Variants in PRKRA observed in about 807,000 individuals in gnomAD.
The protein encoded by PRKRA is interferon-inducible double-stranded RNA-dependent protein kinase activator A.
In PRKRA, 22 loss-of-function variants were observed where a neutral mutation model predicts 32.4. The observed-to-expected ratio is 0.68, with a 90% CI of 0.49 to 0.97. PRKRA has a LOEUF of 0.97. PRKRA is among the 50% of genes least tolerant of loss of function. PRKRA has a pLI of 0.00. For missense variants in PRKRA, 319 were observed against 375.6 expected (o/e 0.85, Z 1.25); for synonymous variants, 139 against 129.8 (o/e 1.07, Z -0.48).
At chr2:178,434,663 C>T (rs1169367189) in intron 7 of PRKRA, among the ~76,000 whole-genome samples, 1 of 152,078 alleles carries the variant, frequency 6.6e-6, no homozygotes, top group African/African-American at 2.4e-5. Context: ...TTTACTGAGA[C>T]AATGCACTTC....
In PRKRA at chr2:178,444,623, C is replaced by T; in HGVS notation, c.318-123G>A. ...CTTGTCATTCCTTCTACATGGAATG[C>T]CCTTTTCTCAGACCTCTTCTATGGG... On this transcript the variant is annotated intron_variant, in intron 3 of 7. Transcript: ENST00000325748. The T allele has an allele frequency of 5.0e-6, 4 of 794,762 alleles. No individual in the cohort carries two copies. In the South Asian group the frequency reaches 5.8e-5, roughly 12 times the overall value. 49.2% of individuals were successfully genotyped at this position (794,762 alleles called of 1,614,324 possible). A position where few individuals can be genotyped will look rare whatever the true frequency, so the allele number is the denominator to read the frequency against.
At chr2:178,447,432 G>A in intron 3 of PRKRA, 73 bp downstream of exon 3, 2 of 1,332,804 alleles carry the variant, frequency 1.5e-6, no homozygotes, top group Non-Finnish European at 2.0e-6. Flanking sequence ...GCTTTTGTAA[G>A]CATGTTCAAA....
chr2:178,442,409 C>G (rs1044614630), intron 5 of PRKRA, among the ~76,000 whole-genome samples: 1 of 151,984 alleles, frequency 6.6e-6, no homozygotes, highest in South Asian at 2.1e-4. Flanking sequence ...TCTAAACTGA[C>G]GATTATATGA....
At chr2:178,450,944 C>T in intron 1 of PRKRA, 22 bp downstream of exon 1, 3 of 786,882 alleles carry the variant, frequency 3.8e-6, no homozygotes, top group African/African-American at 2.0e-5. Context: ...GGCCCTGGGG[C>T]CCTGACTGCC....
At chr2:178,444,302 A>G in intron 4 of PRKRA, 120 bp downstream of exon 4, 2 of 854,132 alleles carry the variant, frequency 2.3e-6, no homozygotes, top group Non-Finnish European at 3.8e-6. Context: ...AATGATCGTA[A>G]GTTGGAAAAC....
chr2:178,447,316 A>T, intron 3 of PRKRA, 189 bp downstream of exon 3: 1 of 985,532 alleles, frequency 1.0e-6, no homozygotes, highest in Non-Finnish European at 1.4e-6. Flanking sequence ...TTCATTTAAT[A>T]GCTAATTGCT....
intron 1 of PRKRA, chr2:178,450,701 A>G: frequency 7.1e-7 from 1 of 1,405,204 alleles, no homozygotes. Flanking sequence ...CTCTCAGGGA[A>G]AACCTGACGA....
At chr2:178,440,713 G>A (rs963204151) in intron 6 of PRKRA, among the ~76,000 whole-genome samples, 1 of 151,996 alleles carries the variant, frequency 6.6e-6, no homozygotes, top group African/African-American at 2.4e-5. Context: ...CATGTCTCAC[G>A]TGTCTTCTGT....
At chr2:178,450,010 C>T (rs915234703) in intron 2 of PRKRA, 2 of 606,612 alleles carry the variant, frequency 3.3e-6, no homozygotes, top group Admixed American at 2.8e-5. Flanking sequence ...ATCCAGCCAT[C>T]CGGCTGGGTA....
At chr2:178,450,572 G>A (rs1001633991) in intron 1 of PRKRA, 161 bp from the exon 2 acceptor site, 1 of 1,509,362 alleles carries the variant, frequency 6.6e-7, no homozygotes, top group South Asian at 1.3e-5. Context: ...CTGTCTTCCG[G>A]CCCCGCTGCG....
intron 3 of PRKRA, chr2:178,445,821 A>T (rs1367736123): frequency 6.6e-6 from 1 of 152,170 alleles, no homozygotes; most frequent in African/African-American, 2.4e-5. Context: ...ACCACTGCCT[A>T]CTGGGTCCAA....
intron 1 of PRKRA, 194 bp from the exon 2 acceptor site, chr2:178,450,605 C>A (rs1697553454): frequency 2.0e-6 from 3 of 1,473,120 alleles, no homozygotes; most frequent in Non-Finnish European, 2.7e-6. Flanking sequence ...CAGGAGCAGG[C>A]GGGGTGAGCG....
intron 1 of PRKRA, 83 bp downstream of exon 1, chr2:178,450,883 G>A (rs1697589510): frequency 1.3e-6 from 2 of 1,497,916 alleles, no homozygotes; most frequent in Non-Finnish European, 1.8e-6. Flanking sequence ...TACCCAGAAT[G>A]CCTCTGGAGG....
At chr2:178,446,613 T>A (rs1006759557) in intron 3 of PRKRA, among the ~76,000 whole-genome samples, 1 of 152,168 alleles carries the variant, frequency 6.6e-6, no homozygotes, top group African/African-American at 2.4e-5. Flanking sequence ...CATATGTAAG[T>A]GTATGCACAA....
At chr2:178,436,995 T>C (rs1453874042) in intron 6 of PRKRA, among the ~76,000 whole-genome samples, 1 of 152,128 alleles carries the variant, frequency 6.6e-6, no homozygotes, top group Non-Finnish European at 1.5e-5. Context: ...TCCATATTAG[T>C]TTATGGTTCT....
Position 178,436,292 on chromosome 2 carries a change from A to C in PRKRA, c.637T>G (p.Cys213Gly). 2 of 1,613,950 alleles carry C rather than the reference A, an allele frequency of 1.2e-6. No individual in the cohort carries two copies. The highest frequency in any genetic ancestry group is 1.7e-6 in the Non-Finnish European group (2 of 1,179,908). ...LTNVVGHSLG[C>G]TWHSLRNSPG... ...GAATTCCTCAAGGAATGCCAAGTACATCCTAAAGAATGTCCTACTACATTT... is the reference window on the plus strand; with the variant it reads ...GAATTCCTCAAGGAATGCCAAGTACCTCCTAAAGAATGTCCTACTACATTT... Residue 213 changes from cysteine to glycine, a missense_variant, in exon 7 of 8, where the codon TGT becomes GGT. By Grantham distance (159) the Cys-to-Gly change is radical. Transcript: ENST00000325748.
chr2:178,447,326 T>C, intron 3 of PRKRA, 179 bp downstream of exon 3: 1 of 1,111,378 alleles, frequency 9.0e-7, no homozygotes, highest in South Asian at 1.6e-5. Flanking sequence ...AGCTAATTGC[T>C]GGATTTGATT....
At position 178,443,281 on chromosome 2, in the gene PRKRA, G is replaced by A. The variant is rs747134851; in HGVS notation, c.500C>T (p.Ser167Leu). ...REYTTICRLE[S>L]FMETGKGASK... ...GAAATAAGTACCAGTTTCCATAAAT[G>A]ACTCTAGCCTGCAAATTGTAGTATA... The change falls in exon 5 of 8, where the codon TCA becomes TTA. Residue 167 changes from serine to leucine, a missense_variant. Ser to Leu is a moderately radical substitution (Grantham distance 145). Coordinates refer to ENST00000325748, the MANE Select transcript of PRKRA (RefSeq NM_003690.5). 13 of 1,603,344 alleles carry A rather than the reference G, an allele frequency of 8.1e-6. No individual in the cohort carries two copies. Among genetic ancestry groups the A allele is most frequent in the Non-Finnish European group, 1.1e-5 (13 of 1,170,564 alleles).
intron 1 of PRKRA, chr2:178,450,651 G>C: frequency 6.9e-7 from 1 of 1,441,426 alleles, no homozygotes; most frequent in East Asian, 2.5e-5. Context: ...GCGGGTAGGA[G>C]AGATTCTCAA....
Sources: gnomAD v4.1 joint callset for allele counts (sites outside exome capture counted in the v4.1 genomes callset) on GRCh38, gnomAD v4.1.1 for gene constraint, MANE v1.5 for transcripts, NCBI Gene and HGNC (gene_info 2026-07-23, HGNC 2026-07-21) for gene names.